The following UBR1 variants were observed in gnomAD, a reference collection of about 807,000 sequenced individuals.
UBR1 encodes E3 ubiquitin-protein ligase UBR1.
A neutral mutation model predicts 242.1 loss-of-function variants in UBR1; 102 were observed. That is an observed-to-expected ratio of 0.42 (90% CI 0.36 to 0.50). The LOEUF (loss-of-function observed/expected upper bound fraction) is 0.50, where lower values mean the gene tolerates loss of function less well. Among genes scored for constraint, UBR1 ranks in the 20% least tolerant of loss-of-function variants. The probability of loss-of-function intolerance (pLI) is 0.01; values close to 1 mark genes in which losing one functional copy is unlikely to be tolerated. For missense variants in UBR1, 1,772 were observed against 2,101.8 expected, an observed-to-expected ratio of 0.84 and a Z score of 3.07; for synonymous variants, 675 against 684.8, an observed-to-expected ratio of 0.99 and a Z score of 0.22.
chr15:43,032,388 G>A (rs866961286), intron 20 of UBR1, among the ~76,000 whole-genome samples, 180 bp downstream of exon 20: 12 of 152,132 alleles, frequency 7.9e-5, no homozygotes, highest in African/African-American at 2.6e-4. Flanking sequence ...CTCCAAATAA[G>A]TCAAAACATT....
rs1175142103 is a variant in UBR1, at chr15:43,058,996, T to C, written c.1093+89A>G. ...TCAAGATTACAGATTTAATAACTAATTTAATAAACAAAAGATATTACAGCT... is the reference window on the plus strand; with the variant it reads ...TCAAGATTACAGATTTAATAACTAACTTAATAAACAAAAGATATTACAGCT... On this transcript the variant is annotated intron_variant, in intron 9 of 46. Transcript: ENST00000290650. The C allele has an allele frequency of 8.9e-6, 9 of 1,015,868 alleles. No individual in the cohort carries two copies. In the South Asian group the frequency reaches 1.1e-4, roughly 12 times the overall value. 62.9% of individuals were successfully genotyped at this position (1,015,868 alleles called of 1,614,324 possible).
chr15:43,055,900 G>C (rs1268525782), intron 11 of UBR1, among the ~76,000 whole-genome samples: 1 of 152,112 alleles, frequency 6.6e-6, no homozygotes, highest in Non-Finnish European at 1.5e-5. Context: ...GGGCAACCCA[G>C]CCAAGACTCT....
chr15:43,026,094 T>C (rs1304489610), intron 23 of UBR1: 1 of 164,450 alleles, frequency 6.1e-6, no homozygotes, highest in African/African-American at 2.4e-5. Flanking sequence ...TAGCCAGGCA[T>C]GGTGGCATGT....
chr15:43,077,577 C>G (rs1284652413), intron 3 of UBR1, among the ~76,000 whole-genome samples: 1 of 149,808 alleles, frequency 6.7e-6, no homozygotes, highest in South Asian at 2.1e-4. Context: ...ATCTGCTGAC[C>G]TTCCCTCCAC....
At chr15:43,078,016 A>C (rs1375942596) in intron 3 of UBR1, among the ~76,000 whole-genome samples, 1 of 152,192 alleles carries the variant, frequency 6.6e-6, no homozygotes, top group African/African-American at 2.4e-5. Context: ...AGGAATTCCC[A>C]TTGCCTATCC....
At chr15:42,975,444 T>G (rs992926708) in intron 39 of UBR1, among the ~76,000 whole-genome samples, 2 of 41,634 alleles carry the variant, frequency 4.8e-5, no homozygotes, top group South Asian at 1.3e-3. Flanking sequence ...ATTGTTTCTG[T>G]TTTTTTTGAT....
intron 44 of UBR1, among the ~76,000 whole-genome samples, chr15:42,952,694 A>C (rs1184733298): frequency 6.6e-6 from 1 of 152,210 alleles, no homozygotes; most frequent in Non-Finnish European, 1.5e-5. Context: ...TGGTGTCCTG[A>C]TAATTCTCAT....
At chr15:43,090,607 G>T (rs976901689) in intron 1 of UBR1, among the ~76,000 whole-genome samples, 2 of 150,270 alleles carry the variant, frequency 1.3e-5, no homozygotes, top group African/African-American at 2.5e-5. Context: ...TTCATCAACA[G>T]CACTAAATGA....
At chr15:43,080,601 A>G (rs2033964341) in intron 3 of UBR1, among the ~76,000 whole-genome samples, 1 of 152,084 alleles carries the variant, frequency 6.6e-6, no homozygotes, top group Admixed American at 6.5e-5. Context: ...TTTTCCATTC[A>G]CCTACTGAAG....
chr15:43,059,692 G>T lies in UBR1; in HGVS notation c.985+10C>A. ...TTATCAGAAACAAGAAAAACAGGAG[G>T]TATGCTTACTTGAATAGCTCATAAT... On this transcript the variant is annotated intron_variant, in intron 8 of 46. Coordinates refer to ENST00000290650, the MANE Select transcript of UBR1 (RefSeq NM_174916.3). The T allele has an allele frequency of 6.2e-7, 1 of 1,613,646 alleles. No homozygotes were observed. Among genetic ancestry groups the T allele is most frequent in the Middle Eastern group, 1.7e-4 (1 of 6,056 alleles).
chr15:43,087,871 T>C (rs1292846122), intron 1 of UBR1, among the ~76,000 whole-genome samples: 3 of 152,140 alleles, frequency 2.0e-5, no homozygotes, highest in Non-Finnish European at 4.4e-5. Flanking sequence ...TATGTCCTGA[T>C]ATGGAACATA....
At chr15:43,097,152 A>G (rs531957243) in intron 1 of UBR1, among the ~76,000 whole-genome samples, 2 of 152,300 alleles carry the variant, frequency 1.3e-5, no homozygotes, top group Admixed American at 1.3e-4. Context: ...TGAAAATAAC[A>G]TTTATCTCCT....
chr15:43,089,626 G>C (rs2141363928), intron 1 of UBR1, among the ~76,000 whole-genome samples: 1 of 152,200 alleles, frequency 6.6e-6, no homozygotes, highest in Non-Finnish European at 1.5e-5. Flanking sequence ...CTTTTTAATA[G>C]AGAAGGGGTC....
At chr15:42,954,431 G>C (rs1205630962) in intron 44 of UBR1, among the ~76,000 whole-genome samples, 2 of 152,124 alleles carry the variant, frequency 1.3e-5, no homozygotes, top group Non-Finnish European at 2.9e-5. Context: ...GTGAGCTACT[G>C]AAGACCCTAT....
chr15:43,017,493 C>G (rs1191053488), intron 27 of UBR1, among the ~76,000 whole-genome samples: 1 of 151,990 alleles, frequency 6.6e-6, no homozygotes, highest in Admixed American at 6.6e-5. Flanking sequence ...TATTTTTGTG[C>G]AAAAACACAT....
intron 37 of UBR1, among the ~76,000 whole-genome samples, chr15:42,981,799 C>T (rs1465821473): frequency 2.0e-5 from 3 of 152,132 alleles, no homozygotes; most frequent in Non-Finnish European, 4.4e-5. Context: ...TGGCATTTGG[C>T]TATTTTATGT....
Position 42,952,519 on chromosome 15 carries a change from G to T in UBR1, c.4836-71C>A. 3.9e-6 allele frequency: 6 copies of T among 1,544,240 alleles called. No homozygotes were observed. The African/African-American group carries it at 5.4e-5, about 14-fold the overall frequency. ...AAAACAAATAAGTACCATATATCCT[G>T]TTAGCAATCAAGCATGTTTTCATCA... On this transcript the variant is annotated intron_variant, in intron 44 of 46. Coordinates refer to ENST00000290650, the MANE Select transcript of UBR1 (RefSeq NM_174916.3).
At chr15:43,039,043 GGTACT>G (rs1406542118) in intron 15 of UBR1, among the ~76,000 whole-genome samples, 81 of 150,788 alleles carry the variant, frequency 5.4e-4, no homozygotes, top group South Asian at 1.0e-3. Flanking sequence ...TTATTAAAAA[GGTACT>G]TTTTACAAAA....
intron 35 of UBR1, among the ~76,000 whole-genome samples, chr15:42,986,082 C>A (rs1399814360): frequency 1.3e-5 from 2 of 151,274 alleles, no homozygotes; most frequent in African/African-American, 4.9e-5. Flanking sequence ...GGTATTTATT[C>A]CTAAATTACT....
Sources: allele counts gnomAD v4.1 joint callset (sites outside exome capture counted in the v4.1 genomes callset), GRCh38; gene constraint gnomAD v4.1.1; transcripts MANE v1.5; gene names NCBI Gene and HGNC (gene_info 2026-07-23, HGNC 2026-07-21).